The following STAU2 variants were observed in gnomAD, a reference collection of about 807,000 sequenced individuals.
STAU2 encodes staufen double-stranded RNA binding protein 2, also known as double-stranded RNA-binding protein Staufen homolog 2.
STAU2 carries 20 observed loss-of-function variants against 65.9 expected under a neutral mutation model. The ratio of observed to expected loss-of-function variants is 0.30; its 90% CI spans 0.21 to 0.44. The LOEUF (loss-of-function observed/expected upper bound fraction) is 0.44. Ranked by LOEUF, STAU2 falls within the 20% of genes least tolerant of loss-of-function variation. The pLI, the probability that STAU2 is intolerant of heterozygous loss-of-function variation, is 1.00. For missense variants in STAU2, 558 were observed against 683.9 expected, an observed-to-expected ratio of 0.82 and a Z score of 2.05; for synonymous variants, 232 against 233.9, an observed-to-expected ratio of 0.99 and a Z score of 0.07.
chr8:73,629,145 C>T (rs761714041), intron 6 of STAU2, among the ~76,000 whole-genome samples: 55 of 152,288 alleles, frequency 3.6e-4, no homozygotes, highest in Admixed American at 6.5e-4. Flanking sequence ...TAGATACTCA[C>T]TGGAACAGAA....
At chr8:73,586,674 G>T (rs1037907743) in intron 11 of STAU2, among the ~76,000 whole-genome samples, 1 of 140,558 alleles carries the variant, frequency 7.1e-6, no homozygotes, top group African/African-American at 2.7e-5. Context: ...AAAATCCTCA[G>T]GCACATAAGA....
chr8:73,591,622 A>C (rs1037030781), intron 11 of STAU2, among the ~76,000 whole-genome samples: 2 of 152,130 alleles, frequency 1.3e-5, no homozygotes, highest in African/African-American at 4.8e-5. Flanking sequence ...AATATCCAAT[A>C]GAAGTGGTCA....
intron 4 of STAU2, among the ~76,000 whole-genome samples, chr8:73,701,972 G>A (rs1236018666): frequency 6.6e-6 from 1 of 152,106 alleles, no homozygotes; most frequent in Non-Finnish European, 1.5e-5. Flanking sequence ...AATAAGCCAG[G>A]TACAGAGAGA....
chr8:73,431,605 T>C (rs1817296520), intron 13 of STAU2, among the ~76,000 whole-genome samples: 1 of 152,268 alleles, frequency 6.6e-6, no homozygotes, highest in Non-Finnish European at 1.5e-5. Flanking sequence ...TACAACTGTT[T>C]TGTGAGTAAA....
intron 3 of STAU2, among the ~76,000 whole-genome samples, chr8:73,731,775 T>C (rs1207487970): frequency 6.6e-6 from 1 of 151,972 alleles, no homozygotes; most frequent in East Asian, 1.9e-4. Context: ...CCATCTCTAC[T>C]AAAAATACAA....
chr8:73,457,273 T>C (rs2128897775), intron 13 of STAU2, among the ~76,000 whole-genome samples: 1 of 152,346 alleles, frequency 6.6e-6, no homozygotes, highest in East Asian at 1.9e-4. Context: ...TGTTACTATC[T>C]ACATGACAAT....
At chr8:73,600,953 C>A (rs955444059) in intron 10 of STAU2, among the ~76,000 whole-genome samples, 1 of 152,160 alleles carries the variant, frequency 6.6e-6, no homozygotes, top group East Asian at 1.9e-4. Flanking sequence ...CTAATAAACA[C>A]AATGGTCACT....
chr8:73,530,004 C>T (rs1165042358), intron 13 of STAU2, among the ~76,000 whole-genome samples: 3 of 147,862 alleles, frequency 2.0e-5, no homozygotes, highest in Admixed American at 7.0e-5. Flanking sequence ...ATTTCAAGTG[C>T]GTGCCTTTTG....
At chr8:73,722,084 TTTACA>T in intron 3 of STAU2, among the ~76,000 whole-genome samples, 1 of 152,248 alleles carries the variant, frequency 6.6e-6, no homozygotes, top group African/African-American at 2.4e-5. Context: ...GGGGCTAGAG[TTTACA>T]GTATACATTT....
intron 13 of STAU2, among the ~76,000 whole-genome samples, chr8:73,509,587 T>C (rs1285621265): frequency 6.6e-6 from 1 of 152,178 alleles, no homozygotes; most frequent in Non-Finnish European, 1.5e-5. Flanking sequence ...TATTGATTAG[T>C]TATATAACTA....
At chr8:73,565,123 T>A (rs1429103451) in intron 12 of STAU2, among the ~76,000 whole-genome samples, 1 of 152,204 alleles carries the variant, frequency 6.6e-6, no homozygotes, top group Non-Finnish European at 1.5e-5. Context: ...AATAATCATA[T>A]AATATGGTTT....
intron 13 of STAU2, among the ~76,000 whole-genome samples, chr8:73,512,288 G>T (rs2128924484): frequency 6.6e-6 from 1 of 152,272 alleles, no homozygotes; most frequent in African/African-American, 2.4e-5. Flanking sequence ...ATCCCCAAAA[G>T]CCTGCTGGGA....
At chr8:73,567,862 G>A (rs1367328071) in intron 12 of STAU2, among the ~76,000 whole-genome samples, 1 of 152,024 alleles carries the variant, frequency 6.6e-6, no homozygotes, top group African/African-American at 2.4e-5. Context: ...GGGGGGAGGG[G>A]GGAGTTGGGC....
intron 3 of STAU2, among the ~76,000 whole-genome samples, chr8:73,714,926 T>C (rs1172825681): frequency 2.0e-5 from 3 of 149,974 alleles, no homozygotes; most frequent in East Asian, 2.0e-4. Context: ...TACAAAAATA[T>C]ACAAATTAGC....
At chr8:73,705,992 G>C (rs985987984) in intron 4 of STAU2, among the ~76,000 whole-genome samples, 3 of 152,156 alleles carry the variant, frequency 2.0e-5, no homozygotes, top group African/African-American at 7.2e-5. Flanking sequence ...ATGAGACTCA[G>C]GCATAAGTAT....
chr8:73,560,143 C>T lies in STAU2; in HGVS notation c.1223-7824G>A, dbSNP rs991140743. ...TCCCCCAGGCTGGAGTGCAGTGGCG[C>T]CATCTCGGCTCACTGCAAGCTCTGC... is the stretch of plus-strand genomic sequence containing the variant. On this transcript the variant is annotated intron_variant, in intron 12 of 14. Coordinates refer to ENST00000524300, the MANE Select transcript of STAU2 (RefSeq NM_001164380.2). Among the ~76,000 whole-genome samples, 8 of 149,332 alleles carry T rather than the reference C, an allele frequency of 5.4e-5. No homozygotes were observed. In the East Asian group the frequency reaches 1.6e-3, roughly 30 times the overall value.
In STAU2 at chr8:73,716,000, C is replaced by G. The variant is rs191208655; in HGVS notation, c.-17-6838G>C. Among the ~76,000 whole-genome samples the G allele has an allele frequency of 5.5e-4, 84 of 152,190 alleles. 1 individual carries two copies. The highest frequency in any genetic ancestry group is 1.9e-3 in the African/African-American group (77 of 41,544). The stretch of plus-strand genomic sequence containing the variant: ...CGCAATCTCGGCTCACTGCAAGCTC[C>G]GCCTCCCAAGCTCAAGCGATTCTTC... On this transcript the variant is annotated intron_variant, in intron 3 of 14. Coordinates refer to ENST00000524300, the MANE Select transcript of STAU2 (RefSeq NM_001164380.2).
rs190134888 is a variant in STAU2 at position 73,482,397 on chromosome 8, T to C, written c.1531-59695A>G. On this transcript the variant is annotated intron_variant, in intron 13 of 14. Coordinates refer to ENST00000524300, the MANE Select transcript of STAU2 (RefSeq NM_001164380.2). ...AAAATTTAATAGACATTTGCACATA[T>C]GAACAAATTGGTTTATTTTCAGGTA... Among the ~76,000 whole-genome samples the C allele has an allele frequency of 7.2e-5, 11 of 152,242 alleles. No homozygotes were observed. The East Asian group carries it at 1.4e-3, about 19-fold the overall frequency.
intron 13 of STAU2, among the ~76,000 whole-genome samples, chr8:73,468,693 C>CT (rs1819801712): frequency 6.6e-6 from 1 of 152,194 alleles, no homozygotes; most frequent in South Asian, 2.1e-4. Flanking sequence ...AGCCAACAGA[C>CT]ATATGAAAAA....
Sources: gnomAD v4.1 joint callset for allele counts (sites outside exome capture counted in the v4.1 genomes callset) on GRCh38, gnomAD v4.1.1 for gene constraint, MANE v1.5 for transcripts, NCBI Gene and HGNC (gene_info 2026-07-23, HGNC 2026-07-21) for gene names.